The following LRRC28 variants were observed in gnomAD, a reference collection of about 807,000 sequenced individuals.
LRRC28 encodes the protein leucine rich repeat containing 28.
Under a neutral mutation model 45.7 loss-of-function variants are expected in LRRC28, and 39 were observed. The ratio of observed to expected loss-of-function variants is 0.85; its 90% CI spans 0.66 to 1.12. LRRC28 has a LOEUF of 1.12. Among genes scored for constraint, LRRC28 ranks in the 50% most tolerant of loss-of-function variants. LRRC28 has a pLI of 0.00. For synonymous variants in LRRC28, 206 were observed against 178.8 expected, an observed-to-expected ratio of 1.15 and a Z score of -1.22; for missense variants, 435 against 438.5, an observed-to-expected ratio of 0.99 and a Z score of 0.07.
intron 6 of LRRC28, among the ~76,000 whole-genome samples, chr15:99,336,625 T>C (rs990374443): frequency 2.0e-5 from 3 of 152,186 alleles, no homozygotes; most frequent in Non-Finnish European, 4.4e-5. Context: ...TAGCGCTTTC[T>C]CTCACCTACC....
chr15:99,253,527 G>C (rs1328790326), intron 1 of LRRC28, among the ~76,000 whole-genome samples: 1 of 152,240 alleles, frequency 6.6e-6, no homozygotes, highest in Non-Finnish European at 1.5e-5. Context: ...TTTGAGGATT[G>C]GAAAAGCCCA....
At chr15:99,353,340 A>G (rs539726838) in intron 7 of LRRC28, among the ~76,000 whole-genome samples, 2 of 152,316 alleles carry the variant, frequency 1.3e-5, no homozygotes, top group South Asian at 2.1e-4. Flanking sequence ...AGGGATGACA[A>G]TAAGTGTATA....
chr15:99,285,806 A>AT, intron 3 of LRRC28: 2 of 455,366 alleles, frequency 4.4e-6, no homozygotes, highest in Admixed American at 2.9e-5. Context: ...GTTGAAAAAA[A>AT]TTTTTTTAAT....
chr15:99,295,142 T>G (rs2082230309), intron 5 of LRRC28, among the ~76,000 whole-genome samples: 1 of 152,238 alleles, frequency 6.6e-6, no homozygotes, highest in Non-Finnish European at 1.5e-5. Context: ...CTGTCATGTC[T>G]GGAAGTGGAA....
chr15:99,319,531 T>G (rs73473394), intron 5 of LRRC28, among the ~76,000 whole-genome samples: 4,242 of 152,270 alleles, frequency 0.028, 206 homozygotes, highest in African/African-American at 0.097. Flanking sequence ...GCAAGAATAC[T>G]TTATTGACTA....
intron 9 of LRRC28, among the ~76,000 whole-genome samples, chr15:99,379,883 T>C (rs980104395): frequency 2.6e-5 from 4 of 152,266 alleles, no homozygotes; most frequent in African/African-American, 9.6e-5. Context: ...AGTTCTAGTT[T>C]GATTGCACTG....
chr15:99,253,119 G>C (rs564480568), intron 1 of LRRC28, among the ~76,000 whole-genome samples: 10 of 119,904 alleles, frequency 8.3e-5, no homozygotes, highest in African/African-American at 2.8e-4. Context: ...TTGGGATAGG[G>C]AAGTGATTTT....
At chr15:99,382,249 C>T (rs1957851372) in intron 9 of LRRC28, among the ~76,000 whole-genome samples, 1 of 152,236 alleles carries the variant, frequency 6.6e-6, no homozygotes, top group Admixed American at 6.5e-5. Flanking sequence ...CCTCCCCCAG[C>T]CTCACTGCCA....
chr15:99,256,742 A>C (rs900104617), intron 2 of LRRC28, among the ~76,000 whole-genome samples: 1 of 152,244 alleles, frequency 6.6e-6, no homozygotes, highest in Admixed American at 6.5e-5. Flanking sequence ...TCTAAGAATA[A>C]GCACGTAGTT....
intron 5 of LRRC28, among the ~76,000 whole-genome samples, chr15:99,317,224 T>C (rs559491130): frequency 7.4e-4 from 113 of 152,310 alleles, no homozygotes; most frequent in South Asian, 3.5e-3. Context: ...AGAGCTACTA[T>C]TAAAAATGTC....
chr15:99,357,891 A>G (rs1377894495), intron 7 of LRRC28, among the ~76,000 whole-genome samples: 6 of 152,060 alleles, frequency 3.9e-5, no homozygotes, highest in Non-Finnish European at 8.8e-5. Context: ...TATTCAAACT[A>G]TGGCCATTAA....
At chr15:99,325,977 G>A (rs1386752602) in intron 5 of LRRC28, among the ~76,000 whole-genome samples, 1 of 152,166 alleles carries the variant, frequency 6.6e-6, no homozygotes, top group Non-Finnish European at 1.5e-5. Context: ...GGGAAGGCTT[G>A]TTGGTTGAGT....
chr15:99,375,318 C>A (rs1486717656), intron 9 of LRRC28, among the ~76,000 whole-genome samples: 1 of 152,156 alleles, frequency 6.6e-6, no homozygotes, highest in African/African-American at 2.4e-5. Flanking sequence ...CCTGGAATAA[C>A]TCCCACTTGA....
At chr15:99,313,441 T>A (rs1955485699) in intron 5 of LRRC28, among the ~76,000 whole-genome samples, 1 of 152,004 alleles carries the variant, frequency 6.6e-6, no homozygotes, top group South Asian at 2.1e-4. Context: ...AAGGTAACTC[T>A]CCACTCAACA....
intron 9 of LRRC28, among the ~76,000 whole-genome samples, chr15:99,372,258 G>A (rs898875206): frequency 3.9e-5 from 6 of 152,216 alleles, no homozygotes; most frequent in African/African-American, 1.4e-4. Flanking sequence ...TTAAGGAATA[G>A]TGGTATTTCT....
chr15:99,383,198 T>C (rs550438703), intron 9 of LRRC28, among the ~76,000 whole-genome samples: 3 of 152,318 alleles, frequency 2.0e-5, no homozygotes, highest in Non-Finnish European at 4.4e-5. Context: ...GGCCTTTGGC[T>C]TGGGGGCATG....
chr15:99,387,108 T>TGC lies in LRRC28; in HGVS notation c.*1007_*1008insCG, dbSNP rs1276727145. 5.9e-5 allele frequency: 9 copies of TGC among 151,796 alleles called. No individual in the cohort carries two copies. The highest frequency in any genetic ancestry group is 4.2e-4 in the South Asian group (2 of 4,764). The allele number at this position is 151,796 out of a possible 1,614,324, so 9.4% of individuals were successfully genotyped here. ...CGGAGTCTCGCTCTGTCGCCCAGGC[T>TGC]GGAGTGCAGTGGCGGGATCTCGGCT... is the stretch of plus-strand genomic sequence containing the variant. On this transcript the variant is annotated 3_prime_UTR_variant, in exon 10 of 10. Coordinates refer to ENST00000301981, the MANE Select transcript of LRRC28 (RefSeq NM_144598.5).
chr15:99,360,350 A>G (rs1049923038), intron 7 of LRRC28, among the ~76,000 whole-genome samples: 1 of 152,114 alleles, frequency 6.6e-6, no homozygotes, highest in Admixed American at 6.6e-5. Context: ...CCCTGGACAG[A>G]GTCAGTCAAC....
In LRRC28 at chr15:99,387,159, C is replaced by G. The variant is rs1012476418; in HGVS notation, c.*1057C>G. 1.3e-5 allele frequency: 2 copies of G among 149,634 alleles called. No homozygotes were observed. The highest frequency in any genetic ancestry group is 6.7e-5 in the Admixed American group (1 of 14,976). 9.3% of individuals were successfully genotyped at this position (149,634 alleles called of 1,614,324 possible). ...CACTGCAAGCTCCGCCTCCCGGGTT[C>G]ACGCCATTCTCCTGCCTCAGCCTCC... On this transcript the variant is annotated 3_prime_UTR_variant, in exon 10 of 10. Coordinates refer to ENST00000301981, the MANE Select transcript of LRRC28 (RefSeq NM_144598.5).
Sources: allele counts gnomAD v4.1 joint callset (sites outside exome capture counted in the v4.1 genomes callset), GRCh38; gene constraint gnomAD v4.1.1; transcripts MANE v1.5; gene names NCBI Gene and HGNC (gene_info 2026-07-23, HGNC 2026-07-21).